XKR9: variants seen among roughly 807,000 people sequenced by gnomAD.
XKR9 encodes XK-related protein 9.
A neutral mutation model predicts 32.0 loss-of-function variants in XKR9; 32 were observed. The observed-to-expected ratio is 1.00, with a 90% CI of 0.76 to 1.34. XKR9 has a LOEUF of 1.34. XKR9 is among the 40% of genes most tolerant of loss of function. The pLI, the probability that XKR9 is intolerant of heterozygous loss-of-function variation, is 0.00. For synonymous variants in XKR9, 168 were observed against 143.4 expected, an observed-to-expected ratio of 1.17 and a Z score of -1.22; for missense variants, 546 against 429.7, an observed-to-expected ratio of 1.27 and a Z score of -2.39.
chr8:70,732,610 A>G (rs570488775), intron 4 of XKR9, among the ~76,000 whole-genome samples: 119 of 152,348 alleles, frequency 7.8e-4, no homozygotes, highest in African/African-American at 2.8e-3. Flanking sequence ...GATGGGAATT[A>G]CAATAGAGAA....
chr8:70,796,196 A>G, the XKR9 span, among the ~76,000 whole-genome samples: 5 of 151,922 alleles, frequency 3.3e-5, no homozygotes, highest in African/African-American at 1.2e-4. Flanking sequence ...TAGTTTTTCA[A>G]TCCTTACCAT....
At chr8:70,969,797 G>A in the XKR9 span, among the ~76,000 whole-genome samples, 2 of 152,008 alleles carry the variant, frequency 1.3e-5, no homozygotes, top group African/African-American at 2.4e-5. Flanking sequence ...GGTGATGTTT[G>A]GTTACATGAA....
At chr8:71,059,988 G>A in the XKR9 span, among the ~76,000 whole-genome samples, 1 of 152,096 alleles carries the variant, frequency 6.6e-6, no homozygotes, top group East Asian at 1.9e-4. Flanking sequence ...TGCCTCCTCT[G>A]TGCTTTGTGG....
intron 3 of XKR9, among the ~76,000 whole-genome samples, chr8:70,684,261 C>A (rs1819183988): frequency 6.6e-6 from 1 of 152,118 alleles, no homozygotes; most frequent in South Asian, 2.1e-4. Flanking sequence ...TTTAGTGTTT[C>A]TTTCCCTTCT....
the XKR9 span, among the ~76,000 whole-genome samples, chr8:70,949,208 T>C: frequency 3.9e-5 from 6 of 152,186 alleles, no homozygotes; most frequent in Non-Finnish European, 8.8e-5. Flanking sequence ...CTCTTTTTAA[T>C]GTATTTTCAT....
the XKR9 span, among the ~76,000 whole-genome samples, chr8:70,876,799 T>G: frequency 2.0e-5 from 3 of 152,174 alleles, no homozygotes; most frequent in African/African-American, 7.2e-5. Flanking sequence ...AGATTTGTTT[T>G]TATACAACTT....
chr8:70,686,695 C>T (rs905444452), intron 3 of XKR9, among the ~76,000 whole-genome samples: 2 of 152,108 alleles, frequency 1.3e-5, no homozygotes, highest in African/African-American at 2.4e-5. Context: ...CCGTCTCCTT[C>T]GGCCTCTCAA....
chr8:70,822,923 A>C, the XKR9 span, among the ~76,000 whole-genome samples: 2 of 152,174 alleles, frequency 1.3e-5, no homozygotes, highest in African/African-American at 4.8e-5. Flanking sequence ...ATAATCTTAA[A>C]GTCAAGAATA....
intron 2 of XKR9, among the ~76,000 whole-genome samples, chr8:70,748,696 A>T (rs139261803): frequency 5.3e-5 from 8 of 152,238 alleles, no homozygotes; most frequent in African/African-American, 1.9e-4. Context: ...GTGAAGCCCC[A>T]CCTTCTAGCC....
intron 4 of XKR9, among the ~76,000 whole-genome samples, chr8:70,724,554 G>A (rs114805760): frequency 0.011 from 1,605 of 152,254 alleles, 27 homozygotes; most frequent in African/African-American, 0.037. Flanking sequence ...TCTACGGGTT[G>A]CAAAAACCGT....
the XKR9 span, among the ~76,000 whole-genome samples, chr8:71,016,102 A>G: frequency 6.3e-4 from 95 of 151,998 alleles, 1 homozygote; most frequent in East Asian, 5.8e-4. Flanking sequence ...TTAAATTTGT[A>G]TAGGAGATAT....
the XKR9 span, among the ~76,000 whole-genome samples, chr8:71,050,026 C>T: frequency 0.1 from 15,666 of 151,648 alleles, 986 homozygotes; most frequent in African/African-American, 0.18. Context: ...TATTCCAGAT[C>T]GAGGCAGCAT....
the XKR9 span, among the ~76,000 whole-genome samples, chr8:70,879,357 A>G: frequency 3.9e-5 from 6 of 152,148 alleles, no homozygotes; most frequent in Non-Finnish European, 8.8e-5. Flanking sequence ...AAAAAAAACA[A>G]TGAATCCAGG....
intron 4 of XKR9, among the ~76,000 whole-genome samples, chr8:70,727,918 C>A (rs1052238303): frequency 6.6e-6 from 1 of 152,056 alleles, no homozygotes; most frequent in South Asian, 2.1e-4. Context: ...ATCTCAAGCA[C>A]TGATCTTAGG....
chr8:70,697,179 T>A (rs1485635507), intron 3 of XKR9, among the ~76,000 whole-genome samples: 1 of 151,048 alleles, frequency 6.6e-6, no homozygotes, highest in Non-Finnish European at 1.5e-5. Context: ...CTTCATTTCC[T>A]TCTCCTGCCT....
chr8:70,755,654 G>C lies in XKR9; in HGVS notation n.353-33685G>C, dbSNP rs563607237. 1.3e-3 allele frequency among the ~76,000 whole-genome samples: 200 copies of C among 149,766 alleles called. 1 individual carries two copies. Among genetic ancestry groups the C allele is most frequent in the Non-Finnish European group, 6.4e-4 (43 of 67,700 alleles). ...AATCATCATTCTCAGTAAACTATCG[G>C]AAGGACAAAAAACCAAACACCGCAT... On this transcript the variant is annotated intron_variant and non_coding_transcript_variant, in intron 2 of 3. Transcript: ENST00000520273.
At chr8:70,940,871 C>T in the XKR9 span, among the ~76,000 whole-genome samples, 7 of 152,142 alleles carry the variant, frequency 4.6e-5, no homozygotes, top group Non-Finnish European at 1.0e-4. Context: ...ATGTGGTCTT[C>T]TCCAGGGTTT....
the XKR9 span, among the ~76,000 whole-genome samples, chr8:70,981,688 G>A: frequency 6.6e-6 from 1 of 152,062 alleles, no homozygotes; most frequent in African/African-American, 2.4e-5. Context: ...TGGTGAGCTG[G>A]TATGATCTTT....
At chr8:70,913,708 A>C in the XKR9 span, among the ~76,000 whole-genome samples, 1 of 152,146 alleles carries the variant, frequency 6.6e-6, no homozygotes, top group Non-Finnish European at 1.5e-5. Flanking sequence ...AAGAAATAGA[A>C]TATTATTCAC....
Sources: allele counts gnomAD v4.1 joint callset (sites outside exome capture counted in the v4.1 genomes callset), GRCh38; gene constraint gnomAD v4.1.1; transcripts MANE v1.5; gene names NCBI Gene and HGNC (gene_info 2026-07-23, HGNC 2026-07-21).